MICU1: variants seen among roughly 807,000 people sequenced by gnomAD.
MICU1 encodes the protein mitochondrial calcium uptake 1, also known as calcium uptake protein 1, mitochondrial.
A neutral mutation model predicts 56.8 loss-of-function variants in MICU1; 45 were observed. That is an observed-to-expected ratio of 0.79 (90% CI 0.62 to 1.02). The LOEUF is 1.02. MICU1 is among the 50% of genes least tolerant of loss of function. The pLI, the probability that MICU1 is intolerant of heterozygous loss-of-function variation, is 0.00. For missense variants in MICU1, 504 were observed against 587.1 expected (o/e 0.86, Z 1.46); for synonymous variants, 186 against 195.1 (o/e 0.95, Z 0.39).
chr10:72,492,531 G>A (rs1004396870), intron 6 of MICU1, among the ~76,000 whole-genome samples: 1 of 152,112 alleles, frequency 6.6e-6, no homozygotes, highest in Non-Finnish European at 1.5e-5. Flanking sequence ...GGGAGGTTGA[G>A]GCGGATGGAT....
chr10:72,429,888 A>G (rs61045749), intron 8 of MICU1, among the ~76,000 whole-genome samples: 3,878 of 152,314 alleles, frequency 0.025, 161 homozygotes, highest in African/African-American at 0.088. Flanking sequence ...ATTCTATTTC[A>G]AAAACAGAGA....
At chr10:72,624,067 C>A (rs1842173275) in intron 1 of MICU1, among the ~76,000 whole-genome samples, 1 of 152,056 alleles carries the variant, frequency 6.6e-6, no homozygotes, top group African/African-American at 2.4e-5. Flanking sequence ...TTTAAAAAAG[C>A]TTTATCAATT....
chr10:72,500,275 TATATATATATATATATATATA>T lies in MICU1; in HGVS notation c.652+7859_652+7879del, dbSNP rs1564904466. ...ATACATACATACATATATATATATA[TATATATATATATATATATATA>T]TATATATTTTTTTTTTTTTTTTTTT... On this transcript the variant is annotated intron_variant, in intron 6 of 11. Transcript: ENST00000361114. 4.3e-4 allele frequency among the ~76,000 whole-genome samples: 4 copies of T among 9,250 alleles called. No individual in the cohort carries two copies. The East Asian group carries it at 7.4e-3, about 17-fold the overall frequency. The allele number at this position is 9,250 out of a possible 152,430, so 6.1% of individuals were successfully genotyped here.
At chr10:72,599,308 G>C in intron 1 of MICU1, among the ~76,000 whole-genome samples, 2 of 152,112 alleles carry the variant, frequency 1.3e-5, no homozygotes, top group East Asian at 3.8e-4. Flanking sequence ...AATTTAAAAA[G>C]TATTAAATGC....
intron 1 of MICU1, among the ~76,000 whole-genome samples, chr10:72,575,860 G>C (rs917693453): frequency 2.6e-5 from 4 of 152,072 alleles, no homozygotes; most frequent in African/African-American, 7.2e-5. Context: ...AACCTTACAA[G>C]GGCCTCTAAA....
At chr10:72,622,786 T>C (rs748925454) in intron 1 of MICU1, among the ~76,000 whole-genome samples, 7 of 152,216 alleles carry the variant, frequency 4.6e-5, no homozygotes, top group Admixed American at 6.5e-5. Flanking sequence ...ACTTCAATAA[T>C]AGGAAATTTA....
At chr10:72,621,910 C>CTTATTTAT (rs145407524) in intron 1 of MICU1, among the ~76,000 whole-genome samples, 1 of 151,832 alleles carries the variant, frequency 6.6e-6, no homozygotes, top group South Asian at 2.1e-4. Flanking sequence ...ACCAAGTTCT[C>CTTATTTAT]TTATTTATTT....
chr10:72,481,762 C>T (rs1334199238), intron 6 of MICU1, among the ~76,000 whole-genome samples: 3 of 152,118 alleles, frequency 2.0e-5, no homozygotes, highest in South Asian at 2.1e-4. Flanking sequence ...AAGAGTGAGG[C>T]TTTCCCCCCT....
At chr10:72,398,322 C>T (rs1300775974) in intron 10 of MICU1, among the ~76,000 whole-genome samples, 1 of 152,088 alleles carries the variant, frequency 6.6e-6, no homozygotes, top group Non-Finnish European at 1.5e-5. Flanking sequence ...GCACTAAATG[C>T]CCTCAAGAGA....
At chr10:72,529,423 A>G (rs1279873514) in intron 5 of MICU1, among the ~76,000 whole-genome samples, 1 of 152,222 alleles carries the variant, frequency 6.6e-6, no homozygotes, top group East Asian at 1.9e-4. Context: ...ATTGCTTGAA[A>G]ATAGTGTATA....
At chr10:72,532,583 T>C (rs934985865) in intron 5 of MICU1, among the ~76,000 whole-genome samples, 34 of 152,104 alleles carry the variant, frequency 2.2e-4, no homozygotes, top group African/African-American at 7.2e-4. Flanking sequence ...TACTTTACCA[T>C]AGATAAAGCA....
chr10:72,394,586 A>G (rs923626617), intron 10 of MICU1, among the ~76,000 whole-genome samples: 5 of 152,024 alleles, frequency 3.3e-5, no homozygotes, highest in Admixed American at 6.6e-5. Flanking sequence ...AGATCACATC[A>G]CTGCACTCCA....
intron 8 of MICU1, among the ~76,000 whole-genome samples, chr10:72,446,542 T>C (rs1238337027): frequency 2.6e-5 from 4 of 152,176 alleles, no homozygotes; most frequent in African/African-American, 7.2e-5. Context: ...TGGGCTAGGC[T>C]GCTCTCGAAC....
At position 72,598,961 on chromosome 10, in the gene MICU1, A is replaced by G. The variant is rs551929447; in HGVS notation, c.-2+27049T>C. ...CCAAGGCACTTTCAGCCTCACTGAT[A>G]TTTCTCAAGACTAAAGAGAGCTATT... On this transcript the variant is annotated intron_variant, in intron 1 of 11. Coordinates refer to ENST00000361114, the MANE Select transcript of MICU1 (RefSeq NM_001195518.2). Among the ~76,000 whole-genome samples, 8 of 152,034 alleles carry G rather than the reference A, an allele frequency of 5.3e-5. No homozygotes were observed. The South Asian group carries it at 1.7e-3, about 32-fold the overall frequency.
intron 8 of MICU1, among the ~76,000 whole-genome samples, chr10:72,453,441 A>C (rs899751049): frequency 1.3e-5 from 2 of 152,226 alleles, no homozygotes; most frequent in Non-Finnish European, 2.9e-5. Context: ...CTTTGAAGCC[A>C]GTATAAGACA....
intron 1 of MICU1, among the ~76,000 whole-genome samples, chr10:72,588,224 T>C (rs1157179166): frequency 6.6e-6 from 1 of 152,142 alleles, no homozygotes. Flanking sequence ...CCTTCTGCCA[T>C]AATTGAAAGT....
intron 8 of MICU1, among the ~76,000 whole-genome samples, chr10:72,448,151 C>A (rs10823923): frequency 2.8e-3 from 117 of 41,196 alleles, no homozygotes; most frequent in Non-Finnish European, 4.9e-3. Context: ...GTGTGTGTGT[C>A]TGTGTGTGTG....
intron 9 of MICU1, among the ~76,000 whole-genome samples, chr10:72,412,218 A>C (rs1484845629): frequency 6.6e-6 from 1 of 152,218 alleles, no homozygotes; most frequent in East Asian, 1.9e-4. Flanking sequence ...TTGTGGCTGG[A>C]AAGATGGAAA....
intron 4 of MICU1, among the ~76,000 whole-genome samples, chr10:72,534,702 C>T (rs1171924743): frequency 2.6e-5 from 4 of 152,094 alleles, no homozygotes; most frequent in Non-Finnish European, 5.9e-5. Context: ...ATTATCATTG[C>T]TCCCAGAAAA....
Sources: gnomAD v4.1 joint callset for allele counts (sites outside exome capture counted in the v4.1 genomes callset) on GRCh38, gnomAD v4.1.1 for gene constraint, MANE v1.5 for transcripts, NCBI Gene and HGNC (gene_info 2026-07-23, HGNC 2026-07-21) for gene names.